Variants in NKAIN2 observed in about 807,000 individuals in gnomAD.
The protein encoded by NKAIN2 is sodium/potassium transporting ATPase interacting 2, also known as sodium/potassium-transporting ATPase subunit beta-1-interacting protein 2.
Under a neutral mutation model 32.6 loss-of-function variants are expected in NKAIN2, and 14 were observed. The ratio of observed to expected loss-of-function variants is 0.43; its 90% confidence interval spans 0.28 to 0.67. The LOEUF (loss-of-function observed/expected upper bound fraction) is 0.67. Among genes scored for constraint, NKAIN2 ranks in the 30% least tolerant of loss-of-function variants. NKAIN2 has a pLI of 0.17. For synonymous variants in NKAIN2, 80 were observed against 87.2 expected (o/e 0.92, Z 0.46); for missense variants, 198 against 258.3 (o/e 0.77, Z 1.60).
At chr6:124,364,616 C>G (rs1188231777) in intron 3 of NKAIN2, among the ~76,000 whole-genome samples, 1 of 151,836 alleles carries the variant, frequency 6.6e-6, no homozygotes, top group East Asian at 1.9e-4. Context: ...AAATGCCAAC[C>G]TAGAATTCTT....
intron 4 of NKAIN2, among the ~76,000 whole-genome samples, chr6:124,743,138 G>C (rs944857833): frequency 1.2e-4 from 18 of 151,762 alleles, no homozygotes; most frequent in Admixed American, 2.0e-4. Context: ...AGATCACCTG[G>C]GACAAACTGT....
At chr6:124,050,510 T>G (rs1171824847) in intron 1 of NKAIN2, among the ~76,000 whole-genome samples, 4 of 152,008 alleles carry the variant, frequency 2.6e-5, no homozygotes, top group African/African-American at 9.7e-5. Flanking sequence ...AGAAGCTCCC[T>G]TCAGCCTGGC....
intron 4 of NKAIN2, among the ~76,000 whole-genome samples, chr6:124,725,999 C>T (rs572431493): frequency 1.7e-4 from 26 of 152,280 alleles, no homozygotes; most frequent in South Asian, 8.3e-4. Context: ...GCTTTTCCGA[C>T]GGGCTTAAAA....
chr6:124,147,418 G>A (rs111418796), intron 1 of NKAIN2, among the ~76,000 whole-genome samples: 2,570 of 151,774 alleles, frequency 0.017, 58 homozygotes, highest in African/African-American at 0.049. Flanking sequence ...TGCAAATATG[G>A]AACTGGAAGA....
At chr6:124,045,272 A>AT (rs968956748) in intron 1 of NKAIN2, among the ~76,000 whole-genome samples, 9 of 151,846 alleles carry the variant, frequency 5.9e-5, no homozygotes, top group Non-Finnish European at 1.3e-4. Flanking sequence ...ATGTTGATGC[A>AT]TTTTTTTCTT....
At chr6:124,336,380 C>G (rs1474587113) in intron 2 of NKAIN2, among the ~76,000 whole-genome samples, 2 of 152,168 alleles carry the variant, frequency 1.3e-5, no homozygotes, top group Non-Finnish European at 2.9e-5. Context: ...ATGTGTGCCT[C>G]TCTAGGAAGA....
chr6:124,539,870 G>A (rs1163248874), intron 3 of NKAIN2, among the ~76,000 whole-genome samples: 2 of 152,028 alleles, frequency 1.3e-5, no homozygotes, highest in Non-Finnish European at 1.5e-5. Flanking sequence ...ACAAGTGTAT[G>A]CCGCTATGCC....
intron 1 of NKAIN2, among the ~76,000 whole-genome samples, chr6:124,086,632 A>G (rs898575894): frequency 6.6e-6 from 1 of 151,960 alleles, no homozygotes; most frequent in Non-Finnish European, 1.5e-5. Flanking sequence ...GATCTCATGG[A>G]CATTAAAAGG....
At chr6:124,738,939 C>G (rs1336700976) in intron 4 of NKAIN2, among the ~76,000 whole-genome samples, 2 of 151,804 alleles carry the variant, frequency 1.3e-5, no homozygotes, top group Non-Finnish European at 2.9e-5. Context: ...CCAATTATTT[C>G]CAGTAAATTT....
intron 1 of NKAIN2, among the ~76,000 whole-genome samples, chr6:123,941,589 C>T (rs910297968): frequency 2.0e-5 from 3 of 151,612 alleles, no homozygotes; most frequent in South Asian, 4.2e-4. Flanking sequence ...TTATGGTGCA[C>T]GACTATGTAT....
intron 1 of NKAIN2, among the ~76,000 whole-genome samples, chr6:124,096,466 GTTACAGCTCAACAGCTTTGACCATGTTA>G (rs1420974948): frequency 6.6e-6 from 1 of 152,120 alleles, no homozygotes; most frequent in Admixed American, 6.5e-5. Context: ...ATTGTTTTTA[GTTACAGCTCAACAGCTTTGACCATGTTA>G]TTTCTGAAAA....
chr6:124,400,453 T>A (rs571824121), intron 3 of NKAIN2, among the ~76,000 whole-genome samples: 21 of 152,170 alleles, frequency 1.4e-4, no homozygotes, highest in Admixed American at 1.2e-3. Flanking sequence ...ATCTATATAT[T>A]TTTTTAATTT....
At chr6:124,551,017 G>A (rs984339492) in intron 3 of NKAIN2, among the ~76,000 whole-genome samples, 3 of 152,236 alleles carry the variant, frequency 2.0e-5, no homozygotes, top group East Asian at 1.9e-4. Context: ...TGGGAAATTC[G>A]GGGGTCATAA....
At chr6:124,161,165 T>G (rs1290799372) in intron 1 of NKAIN2, among the ~76,000 whole-genome samples, 1 of 152,158 alleles carries the variant, frequency 6.6e-6, no homozygotes, top group African/African-American at 2.4e-5. Context: ...GGAAGCAATG[T>G]GGCTTCTGCT....
Position 124,232,142 on chromosome 6 carries a change from C to G in NKAIN2, c.55-50863C>G, listed in dbSNP as rs1454377098. Reference sequence around the variant, plus strand: ...CCTAATTTCTCAACTTATCACTAGGCATGCCAACCACGGGGATTCTAATTT... The same window carrying G: ...CCTAATTTCTCAACTTATCACTAGGGATGCCAACCACGGGGATTCTAATTT... On this transcript the variant is annotated intron_variant, in intron 1 of 6. Coordinates refer to ENST00000368417, the MANE Select transcript of NKAIN2 (RefSeq NM_001040214.3). 2.0e-5 allele frequency among the ~76,000 whole-genome samples: 3 copies of G among 152,174 alleles called. No homozygotes were observed. In the East Asian group the frequency reaches 5.8e-4, roughly 29 times the overall value.
chr6:123,984,032 C>T (rs1352281879), intron 1 of NKAIN2, among the ~76,000 whole-genome samples: 5 of 152,020 alleles, frequency 3.3e-5, no homozygotes, highest in East Asian at 1.9e-4. Context: ...CTCAGCCTCC[C>T]GAGTAGCTGG....
At chr6:123,932,730 A>G (rs1776313142) in intron 1 of NKAIN2, among the ~76,000 whole-genome samples, 2 of 148,852 alleles carry the variant, frequency 1.3e-5, no homozygotes, top group African/African-American at 4.9e-5. Flanking sequence ...CTTTCTTGAT[A>G]GCATTGTTAG....
chr6:124,292,677 T>C (rs1036644010), intron 2 of NKAIN2, among the ~76,000 whole-genome samples: 1 of 151,920 alleles, frequency 6.6e-6, no homozygotes, highest in Non-Finnish European at 1.5e-5. Flanking sequence ...TTGATACTTA[T>C]CAAAAGTTCA....
intron 3 of NKAIN2, among the ~76,000 whole-genome samples, chr6:124,482,213 A>T (rs569962492): frequency 6.4e-4 from 98 of 152,298 alleles, no homozygotes; most frequent in African/African-American, 2.3e-3. Context: ...ACTCCTGAGA[A>T]GACTGAGCTA....
Sources: allele counts gnomAD v4.1 joint callset (sites outside exome capture counted in the v4.1 genomes callset), GRCh38; gene constraint gnomAD v4.1.1; transcripts MANE v1.5; gene names NCBI Gene and HGNC (gene_info 2026-07-23, HGNC 2026-07-21).